CNTD1: variants seen among roughly 807,000 people sequenced by gnomAD.
CNTD1 encodes cyclin N-terminal domain-containing protein 1.
CNTD1 carries 17 observed loss-of-function variants against 36.3 expected under a neutral mutation model. That is an observed-to-expected ratio of 0.47 (90% CI 0.32 to 0.70). The LOEUF is 0.70. Ranked by LOEUF, CNTD1 falls within the 30% of genes least tolerant of loss-of-function variation. The pLI, the probability that CNTD1 is intolerant of heterozygous loss-of-function variation, is 0.03. For synonymous variants in CNTD1, 128 were observed against 153.3 expected (o/e 0.83, Z 1.22); for missense variants, 338 against 386.1 (o/e 0.88, Z 1.04).
In CNTD1 at chr17:42,811,532, G is replaced by T; in HGVS notation, c.*1997G>T. On this transcript the variant is annotated 3_prime_UTR_variant, in exon 7 of 7. Transcript: ENST00000588408. Reference sequence around the variant, plus strand: ...GTCAGTCTCTGCCCATCAATGTCATGTGATTCTGTGCCATTTTTTTGCTTT... The same window carrying T: ...GTCAGTCTCTGCCCATCAATGTCATTTGATTCTGTGCCATTTTTTTGCTTT... 1.5e-6 allele frequency: 2 copies of T among 1,290,532 alleles called. No individual in the cohort carries two copies. Among genetic ancestry groups the T allele is most frequent in the Middle Eastern group, 1.9e-4 (1 of 5,242 alleles). 79.9% of individuals were successfully genotyped at this position (1,290,532 alleles called of 1,614,324 possible).
rs746363787 is a variant in CNTD1 at position 42,799,229 on chromosome 17, G to T, written c.162G>T (p.Gln54His). 6.2e-7 allele frequency: 1 copy of T among 1,613,376 alleles called. No individual in the cohort carries two copies. The highest frequency in any genetic ancestry group is 1.1e-5 in the South Asian group (1 of 91,042). ...SGRLGRFREP[Q>H]IVEFVFLLSE... is the part of the protein sequence containing the mutation. ...GGCTGGGCCGCTTCAGGGAGCCCCA[G>T]ATCGTGGGTGCGGCTGCAGGGCCGG... Residue 54 changes from glutamine to histidine, a missense_variant, in exon 1 of 7, where the codon CAG becomes CAT. Gln to His is a conservative substitution (Grantham distance 24, BLOSUM62 0). Transcript: ENST00000588408.
rs750492162 is a variant in CNTD1 at position 42,803,735 on chromosome 17, A to G, written c.245+40A>G. The G allele has an allele frequency of 2.0e-6, 3 of 1,498,352 alleles. No individual in the cohort carries two copies. In the South Asian group the frequency reaches 3.4e-5, roughly 17 times the overall value. The allele number at this position is 1,498,352 out of a possible 1,614,324, so 92.8% of individuals were successfully genotyped here. A position where few individuals can be genotyped will look rare whatever the true frequency, so the allele number is the denominator to read the frequency against. On this transcript the variant is annotated intron_variant, in intron 2 of 6. Transcript: ENST00000588408. ...TAATGCCTTTTGAACGGCACCTCTC[A>G]GAGTGGCTAATGTACCTACATCTTT...
chr17:42,802,364 C>T (rs1342666815), intron 1 of CNTD1, among the ~76,000 whole-genome samples: 1 of 152,104 alleles, frequency 6.6e-6, no homozygotes, highest in Non-Finnish European at 1.5e-5. Flanking sequence ...ATCCATTCCA[C>T]CTAATCCAAG....
Position 42,806,680 on chromosome 17 carries a change from A to G in CNTD1, c.587A>G (p.Asn196Ser). ...VETLLEVLGY[N>S]GCLVPAMRLH... The stretch of plus-strand genomic sequence containing the variant: ...ATTCCCATACTCCATCTAGGATACA[A>G]TGGCTGTTTGGTTCCAGCCATGAGG... The change falls in exon 5 of 7, where the codon AAT becomes AGT. Residue 196 changes from asparagine (N) to serine (S), a missense_variant. Coordinates refer to ENST00000588408, the MANE Select transcript of CNTD1 (RefSeq NM_173478.3). 2 of 1,613,984 alleles carry G rather than the reference A, an allele frequency of 1.2e-6. No individual in the cohort carries two copies. Among genetic ancestry groups the G allele is most frequent in the Non-Finnish European group, 1.7e-6 (2 of 1,179,864 alleles).
chr17:42,810,714 A>G lies in CNTD1; in HGVS notation c.*1179A>G, dbSNP rs777266674. 6.5e-7 allele frequency: 1 copy of G among 1,526,918 alleles called. No homozygotes were observed. The highest frequency in any genetic ancestry group is 8.8e-7 in the Non-Finnish European group (1 of 1,132,994). The allele number at this position is 1,526,918 out of a possible 1,614,324, so 94.6% of individuals were successfully genotyped here. On this transcript the variant is annotated 3_prime_UTR_variant, in exon 7 of 7. Transcript: ENST00000588408. ...AATTTAAAACATGTTTGCAAACAAA[A>G]CAAAATTAAAAGCCTTTAAGGCAAA...
rs1386670620 is a variant in CNTD1 at position 42,800,089 on chromosome 17, A to AG, written c.169+853_169+854insG. Among the ~76,000 whole-genome samples, 562 of 132,954 alleles carry AG rather than the reference A, an allele frequency of 4.2e-3. 12 individuals are homozygous for AG. Among genetic ancestry groups the AG allele is most frequent in the African/African-American group, 0.021 (534 of 25,104 alleles). The allele number at this position is 132,954 out of a possible 152,430, so 87.2% of individuals were successfully genotyped here. A position where few individuals can be genotyped will look rare whatever the true frequency, so the allele number is the denominator to read the frequency against. On this transcript the variant is annotated intron_variant, in intron 1 of 6. Transcript: ENST00000588408. ...CTGTCTAAAAAAAAAAAAAAAAAAA[A>AG]AGAGAAAAGAAAGATGAAATAGAGA... is the stretch of plus-strand genomic sequence containing the variant.
intron 1 of CNTD1, 53 bp downstream of exon 1, chr17:42,799,289 TTTCAGGCACCGACCTTGAGA>T: frequency 6.5e-7 from 1 of 1,545,774 alleles, no homozygotes; most frequent in Non-Finnish European, 8.7e-7. Context: ...GGCTTGTGTC[TTTCAGGCACCGACCTTGAGA>T]TTCCGTTGAT....
chr17:42,804,459 G>T (rs2054845460), intron 3 of CNTD1, 63 bp downstream of exon 3: 1 of 1,404,978 alleles, frequency 7.1e-7, no homozygotes. Flanking sequence ...TTTATACAAA[G>T]GGGGGCTGTG....
intron 5 of CNTD1, among the ~76,000 whole-genome samples, chr17:42,807,136 G>A (rs1023564815): frequency 1.8e-4 from 27 of 151,898 alleles, no homozygotes; most frequent in Non-Finnish European, 3.4e-4. Flanking sequence ...AAAAACAGTC[G>A]CCGGCGCGGT....
chr17:42,805,908 T>C, intron 4 of CNTD1, 24 bp downstream of exon 4: 1 of 1,592,032 alleles, frequency 6.3e-7, no homozygotes, highest in Non-Finnish European at 8.6e-7. Flanking sequence ...TTAGGGAATA[T>C]GGGTTGGAGA....
Position 42,810,778 on chromosome 17 carries a change from T to A in CNTD1, c.*1243T>A. 2 of 1,609,304 alleles carry A rather than the reference T, an allele frequency of 1.2e-6. No individual in the cohort carries two copies. The highest frequency in any genetic ancestry group is 1.7e-6 in the Non-Finnish European group (2 of 1,177,936). On this transcript the variant is annotated 3_prime_UTR_variant, in exon 7 of 7. Transcript: ENST00000588408. Reference sequence around the variant, plus strand: ...AAAAAAGTCATTTGTTATAAAATTGTGAGGACACCCAAGCAAGACCCCACT... The same window carrying A: ...AAAAAAGTCATTTGTTATAAAATTGAGAGGACACCCAAGCAAGACCCCACT...
At chr17:42,800,968 C>T (rs1361761532) in intron 1 of CNTD1, among the ~76,000 whole-genome samples, 8 of 152,032 alleles carry the variant, frequency 5.3e-5, no homozygotes, top group African/African-American at 1.5e-4. Context: ...GGGTGGATCA[C>T]GAGGTCAGGG....
At chr17:42,804,483 C>A in intron 3 of CNTD1, 87 bp downstream of exon 3, 1 of 1,143,946 alleles carries the variant, frequency 8.7e-7, no homozygotes, top group South Asian at 1.5e-5. Flanking sequence ...AGCTTCAAGT[C>A]AGTGACAAGA....
Position 42,805,840 on chromosome 17 carries a change from T to C in CNTD1, c.536T>C (p.Leu179Pro). Residue 179 changes from leucine to proline, a missense_variant, in exon 4 of 7, where the codon CTG becomes CCG. Coordinates refer to ENST00000588408, the MANE Select transcript of CNTD1 (RefSeq NM_173478.3). ...AAGTCCTTGAACTTCCGAATTAATC[T>C]GCCCACTCCCCTGGCATATGTGGAG... ...VLKSLNFRIN[L>P]PTPLAYVETL... The C allele has an allele frequency of 6.2e-7, 1 of 1,614,100 alleles. No homozygotes were observed. The highest frequency in any genetic ancestry group is 8.5e-7 in the Non-Finnish European group (1 of 1,179,960).
At chr17:42,804,447 C>CT (rs1248138650) in intron 3 of CNTD1, 51 bp downstream of exon 3, 1 of 1,478,984 alleles carries the variant, frequency 6.8e-7, no homozygotes, top group Admixed American at 1.9e-5. Context: ...AAGAAACCAG[C>CT]TTTTATACAA....
intron 4 of CNTD1, 80 bp from the exon 5 acceptor site, chr17:42,806,594 C>T: frequency 6.9e-7 from 1 of 1,445,534 alleles, no homozygotes; most frequent in Non-Finnish European, 9.6e-7. Flanking sequence ...AGCACCTCAA[C>T]AGCTTTATGT....
In CNTD1 at chr17:42,799,248, G is replaced by C. The variant is rs749627223; in HGVS notation, c.169+12G>C. ...GCCCCAGATCGTGGGTGCGGCTGCA[G>C]GGCCGGGGTGCTGGGTTCTTGGGAG... On this transcript the variant is annotated intron_variant, in intron 1 of 6. Coordinates refer to ENST00000588408, the MANE Select transcript of CNTD1 (RefSeq NM_173478.3). 1.9e-6 allele frequency: 3 copies of C among 1,610,086 alleles called. No individual in the cohort carries two copies. Among genetic ancestry groups the C allele is most frequent in the Non-Finnish European group, 2.5e-6 (3 of 1,178,598 alleles).
intron 1 of CNTD1, among the ~76,000 whole-genome samples, chr17:42,801,269 T>A (rs2054778501): frequency 6.7e-6 from 1 of 148,306 alleles, no homozygotes; most frequent in South Asian, 2.1e-4. Context: ...GAAAAGTGAC[T>A]TTTGTTTGGG....
intron 1 of CNTD1, among the ~76,000 whole-genome samples, chr17:42,799,995 C>T (rs1253688737): frequency 2.8e-5 from 4 of 141,044 alleles, no homozygotes; most frequent in East Asian, 2.2e-4. Flanking sequence ...ACCCGGGAGG[C>T]GGAGCTTGCA....
Sources: gnomAD v4.1 joint callset for allele counts (sites outside exome capture counted in the v4.1 genomes callset) on GRCh38, gnomAD v4.1.1 for gene constraint, MANE v1.5 for transcripts, NCBI Gene and HGNC (gene_info 2026-07-23, HGNC 2026-07-21) for gene names.